PTER: variants seen among roughly 807,000 people sequenced by gnomAD.
PTER encodes phosphotriesterase related.
Under a neutral mutation model 29.6 loss-of-function variants are expected in PTER, and 38 were observed. The observed-to-expected ratio is 1.28, with a 90% CI of 0.99 to 1.68. The LOEUF is 1.68. PTER is among the 40% of genes most tolerant of loss of function. The pLI is 0.00. For missense variants in PTER, 482 were observed against 427.8 expected (o/e 1.13, Z -1.12); for synonymous variants, 172 against 154.5 (o/e 1.11, Z -0.84).
At chr10:16,476,724 A>G (rs1232038453) in intron 1 of PTER, among the ~76,000 whole-genome samples, 2 of 151,278 alleles carry the variant, frequency 1.3e-5, no homozygotes, top group Non-Finnish European at 2.9e-5. Context: ...GGAGTGCCCC[A>G]CCATGCCCAG....
chr10:16,443,024 A>C (rs1468826055), intron 1 of PTER, among the ~76,000 whole-genome samples: 1 of 152,112 alleles, frequency 6.6e-6, no homozygotes, highest in East Asian at 1.9e-4. Context: ...GGTGTAATTA[A>C]GGGCCATTTC....
chr10:16,484,105 C>T (rs1001491818), intron 1 of PTER, among the ~76,000 whole-genome samples: 1 of 152,014 alleles, frequency 6.6e-6, no homozygotes. Flanking sequence ...CTAACTCAGG[C>T]AGAGGACTCC....
intron 4 of PTER, among the ~76,000 whole-genome samples, chr10:16,509,961 GTAGTAGTT>G (rs1836748742): frequency 6.6e-6 from 1 of 152,202 alleles, no homozygotes; most frequent in African/African-American, 2.4e-5. Flanking sequence ...TTTGCTCACT[GTAGTAGTT>G]ATTAAATATG....
chr10:16,486,542 C>A lies in PTER; in HGVS notation c.623C>A (p.Ala208Glu). Residue 208 changes from alanine to glutamate, a missense_variant, in exon 3 of 5, where the codon GCA (alanine) becomes GAA (glutamate). Physicochemically the swap from Ala to Glu is moderately radical, Grantham distance 107. Coordinates refer to ENST00000535784, the MANE Select transcript of PTER (RefSeq NM_001261836.2). ...VIIHPGRSSR[A>E]PFQIIRILQE... The stretch of plus-strand genomic sequence containing the variant: ...ATCCATCCTGGACGGAGCTCCAGGG[C>A]ACCATTTCAGATTATCCGAATATTG... 1 of 1,613,996 alleles carries A rather than the reference C, an allele frequency of 6.2e-7. No individual in the cohort carries two copies.
At chr10:16,482,253 C>G (rs7081260) in intron 1 of PTER, among the ~76,000 whole-genome samples, 26,444 of 152,080 alleles carry the variant, frequency 0.17, 2,983 homozygotes, top group East Asian at 0.33. Context: ...ATAAATTGGC[C>G]TACAATTCTG....
chr10:16,470,311 C>T (rs1448363260), intron 1 of PTER, among the ~76,000 whole-genome samples: 3 of 152,200 alleles, frequency 2.0e-5, no homozygotes, highest in Non-Finnish European at 4.4e-5. Context: ...TTGTTGGTTC[C>T]CAGCCTCCAA....
chr10:16,458,692 T>C (rs1231203146), intron 1 of PTER, among the ~76,000 whole-genome samples: 1 of 152,178 alleles, frequency 6.6e-6, no homozygotes, highest in Non-Finnish European at 1.5e-5. Flanking sequence ...CTAGAAACCA[T>C]TTGCAACTCT....
intron 1 of PTER, among the ~76,000 whole-genome samples, chr10:16,466,948 A>G (rs930994570): frequency 6.6e-5 from 10 of 152,230 alleles, no homozygotes; most frequent in African/African-American, 2.4e-4. Context: ...ACCTATGGCC[A>G]TGAGTCACTT....
intron 1 of PTER, among the ~76,000 whole-genome samples, chr10:16,448,790 A>G (rs1834103781): frequency 6.6e-6 from 1 of 152,252 alleles, no homozygotes; most frequent in African/African-American, 2.4e-5. Flanking sequence ...TATACCCTTA[A>G]GGTAGGACAG....
At chr10:16,466,167 A>G (rs566514067) in intron 1 of PTER, among the ~76,000 whole-genome samples, 14 of 152,200 alleles carry the variant, frequency 9.2e-5, no homozygotes, top group Middle Eastern at 3.4e-3. Context: ...CTTTTCATCA[A>G]TTATGGTGTT....
chr10:16,514,447 C>G, downstream of PTER: 1 of 1,238,092 alleles, frequency 8.1e-7, no homozygotes, highest in Non-Finnish European at 1.2e-6. Context: ...CATTGGCATC[C>G]CCTGGGATCC....
At chr10:16,440,067 ATTTT>A (rs71374689) in intron 1 of PTER, among the ~76,000 whole-genome samples, 1 of 135,236 alleles carries the variant, frequency 7.4e-6, no homozygotes, top group Admixed American at 7.7e-5. Context: ...TCCTAACAAG[ATTTT>A]TTTTTTTTTT....
At chr10:16,451,013 C>G (rs147538466) in intron 1 of PTER, among the ~76,000 whole-genome samples, 40 of 152,274 alleles carry the variant, frequency 2.6e-4, no homozygotes, top group African/African-American at 9.4e-4. Context: ...ACTCCAGAAA[C>G]CCCAAAACGC....
At chr10:16,492,852 G>T (rs1435701949) in intron 3 of PTER, among the ~76,000 whole-genome samples, 3 of 152,196 alleles carry the variant, frequency 2.0e-5, no homozygotes, top group African/African-American at 7.2e-5. Flanking sequence ...TGACCTAAGG[G>T]TTTCTGAAAG....
downstream of PTER, chr10:16,513,928 T>G (rs1358419308): frequency 1.1e-5 from 2 of 178,456 alleles, no homozygotes; most frequent in East Asian, 2.9e-4. Context: ...GTGAAAAAGA[T>G]CATAGGCTTG....
At chr10:16,474,782 G>A (rs1248487926) in intron 1 of PTER, among the ~76,000 whole-genome samples, 1 of 152,088 alleles carries the variant, frequency 6.6e-6, no homozygotes, top group African/African-American at 2.4e-5. Context: ...AGCTACTCAG[G>A]AGGCTGAGGC....
chr10:16,446,871 C>T (rs1291403217), intron 1 of PTER, among the ~76,000 whole-genome samples: 1 of 152,072 alleles, frequency 6.6e-6, no homozygotes, highest in Non-Finnish European at 1.5e-5. Flanking sequence ...TTGCTGCAAC[C>T]TCTGCCTCCT....
At chr10:16,499,810 T>C (rs1170147396) in intron 3 of PTER, among the ~76,000 whole-genome samples, 1 of 152,128 alleles carries the variant, frequency 6.6e-6, no homozygotes, top group Non-Finnish European at 1.5e-5. Context: ...TCAATAAATG[T>C]CAGTTAAAAA....
chr10:16,468,158 A>G (rs911974833), intron 1 of PTER, among the ~76,000 whole-genome samples: 1 of 152,168 alleles, frequency 6.6e-6, no homozygotes, highest in Admixed American at 6.5e-5. Context: ...CCTGGCCAAC[A>G]TGGCGAAACC....
Sources: gnomAD v4.1 joint callset for allele counts (sites outside exome capture counted in the v4.1 genomes callset) on GRCh38, gnomAD v4.1.1 for gene constraint, MANE v1.5 for transcripts, NCBI Gene and HGNC (gene_info 2026-07-23, HGNC 2026-07-21) for gene names.